RPL26L1: variants seen among roughly 807,000 people sequenced by gnomAD.
RPL26L1 encodes the protein ribosomal protein L26 like 1.
Under a neutral mutation model 15.2 loss-of-function variants are expected in RPL26L1, and 8 were observed. The observed-to-expected ratio is 0.53, with a 90% CI of 0.31 to 0.95. RPL26L1 has a LOEUF of 0.95. RPL26L1 is among the 40% of genes least tolerant of loss of function. The pLI is 0.05. For synonymous variants in RPL26L1, 51 were observed against 65.9 expected (o/e 0.77, Z 1.09); for missense variants, 146 against 190.9 (o/e 0.76, Z 1.39).
rs1428516199 is a variant in RPL26L1, at chr5:172,959,930, C to T, written c.57C>T (p.Phe19=). ...GCAGTAAAAACCGCAAACGTCACTT[C>T]AATGCCCCCTCACACGTGCGCAGGA... ...SDRSKNRKRH[F]NAPSHVRRKI... Residue 19 remains phenylalanine (F), a synonymous_variant, in exon 2 of 4, where the codon TTC becomes TTT. Transcript: ENST00000265100. 1 of 1,614,228 alleles carries T rather than the reference C, an allele frequency of 6.2e-7. No homozygotes were observed. Among genetic ancestry groups the T allele is most frequent in the East Asian group, 2.2e-5 (1 of 44,880 alleles).
At chr5:172,963,642 C>G (rs1755335221) in intron 2 of RPL26L1, among the ~76,000 whole-genome samples, 1 of 152,310 alleles carries the variant, frequency 6.6e-6, no homozygotes, top group South Asian at 2.1e-4. Flanking sequence ...GAAGCCTTCC[C>G]AGATCCTTTA....
rs1581616172 is a variant in RPL26L1 at position 172,969,592 on chromosome 5, T to G, written c.*51T>G. The G allele has an allele frequency of 6.4e-7, 1 of 1,558,852 alleles. No individual in the cohort carries two copies. Among genetic ancestry groups the G allele is most frequent in the Non-Finnish European group, 8.7e-7 (1 of 1,147,508 alleles). Reference sequence around the variant, plus strand: ...TTAACCGGAGATTTTGAGGCTAGGGTGTGTTTCTTTCGAACTTTTCGGAAT... The same window carrying G: ...TTAACCGGAGATTTTGAGGCTAGGGGGTGTTTCTTTCGAACTTTTCGGAAT... On this transcript the variant is annotated 3_prime_UTR_variant, in exon 4 of 4. Transcript: ENST00000265100.
chr5:172,959,322 G>A, upstream of RPL26L1: 1 of 995,162 alleles, frequency 1.0e-6, no homozygotes, highest in Non-Finnish European at 1.2e-6. Context: ...CCAGGAATGA[G>A]GCACTGAGAT....
intron 2 of RPL26L1, among the ~76,000 whole-genome samples, chr5:172,962,688 C>T (rs1581607421): frequency 1.3e-5 from 2 of 151,458 alleles, no homozygotes; most frequent in Non-Finnish European, 1.5e-5. Flanking sequence ...TGGTGGTGGG[C>T]GCCTGTAGTC....
upstream of RPL26L1, among the ~76,000 whole-genome samples, chr5:172,956,562 A>G (rs1581599695): frequency 6.6e-6 from 1 of 152,346 alleles, no homozygotes; most frequent in East Asian, 1.9e-4. Flanking sequence ...AAGAGCCATT[A>G]TTATCCATCT....
At position 172,964,283 on chromosome 5, in the gene RPL26L1, T is replaced by C. The variant is rs1410202275; in HGVS notation, c.169-4176T>C. On this transcript the variant is annotated intron_variant, in intron 2 of 3. Transcript: ENST00000265100. ...AGCCACAGTGTCTGGCCTGTTGCCT[T>C]TTTTTTTTTTTTTTTTTTTGAGACA... Among the ~76,000 whole-genome samples, 541 of 129,388 alleles carry C rather than the reference T, an allele frequency of 4.2e-3. 32 individuals are homozygous for C. Among genetic ancestry groups the C allele is most frequent in the African/African-American group, 0.015 (521 of 35,120 alleles). 84.9% of individuals were successfully genotyped at this position (129,388 alleles called of 152,430 possible).
intron 2 of RPL26L1, 43 bp downstream of exon 2, chr5:172,960,084 C>T: frequency 1.2e-6 from 2 of 1,610,050 alleles, no homozygotes; most frequent in South Asian, 1.1e-5. Flanking sequence ...ACACCGTTGC[C>T]TAAGAACGTC....
upstream of RPL26L1, among the ~76,000 whole-genome samples, chr5:172,954,274 TA>T (rs900287283): frequency 3.0e-4 from 45 of 152,140 alleles, no homozygotes; most frequent in African/African-American, 1.1e-3. Flanking sequence ...AAGACAACTG[TA>T]AAAGATTTGG....
intron 2 of RPL26L1, among the ~76,000 whole-genome samples, chr5:172,967,885 T>C (rs1217701559): frequency 6.6e-6 from 1 of 151,596 alleles, no homozygotes; most frequent in Non-Finnish European, 1.5e-5. Flanking sequence ...ATGATACGTG[T>C]ATGTATATAT....
At chr5:172,967,802 A>G (rs1424260804) in intron 2 of RPL26L1, among the ~76,000 whole-genome samples, 8 of 151,492 alleles carry the variant, frequency 5.3e-5, no homozygotes, top group Non-Finnish European at 8.8e-5. Context: ...ATATATGTAT[A>G]TATGACATAT....
intron 2 of RPL26L1, among the ~76,000 whole-genome samples, chr5:172,966,313 ATTTTTTTTTTTTTT>A (rs386405707): frequency 0.029 from 1,833 of 63,722 alleles, 53 homozygotes; most frequent in South Asian, 0.094. Flanking sequence ...CTGGCTAACT[ATTTTTTTTTTTTTT>A]TTTTTTTTTT....
upstream of RPL26L1, chr5:172,957,086 G>A (rs982066126): frequency 4.7e-6 from 2 of 428,496 alleles, no homozygotes; most frequent in Admixed American, 2.6e-5. Flanking sequence ...CCAAACCCAA[G>A]CGATTTGGGT....
intron 2 of RPL26L1, among the ~76,000 whole-genome samples, chr5:172,966,436 A>G (rs1275249170): frequency 7.1e-6 from 1 of 141,578 alleles, no homozygotes; most frequent in African/African-American, 2.6e-5. Flanking sequence ...TACCAGGATT[A>G]CAGCTGTGAG....
At chr5:172,958,310 T>G, upstream of RPL26L1, 1 of 443,634 alleles carries the variant, frequency 2.3e-6, no homozygotes, top group East Asian at 7.0e-5. Flanking sequence ...CGCAGGTGTT[T>G]AACAATGTCA....
At chr5:172,959,771 C>T (rs867302488) in intron 1 of RPL26L1, 94 bp from the exon 2 acceptor site, 1 of 1,392,682 alleles carries the variant, frequency 7.2e-7, no homozygotes, top group Middle Eastern at 1.9e-4. Flanking sequence ...CCCTGTAGAG[C>T]CTTTGTTGGG....
At chr5:172,958,555 A>G, upstream of RPL26L1, 1 of 380,258 alleles carries the variant, frequency 2.6e-6, no homozygotes, top group African/African-American at 2.1e-5. Flanking sequence ...CGAGACCCAG[A>G]GCCCTTTTCC....
At position 172,959,972 on chromosome 5, in the gene RPL26L1, G is replaced by C. The variant is rs904686209; in HGVS notation, c.99G>C (p.Pro33=). The change falls in exon 2 of 4, where the codon CCG becomes CCC. Residue 33 remains proline (P), a synonymous_variant. Coordinates refer to ENST00000265100, the MANE Select transcript of RPL26L1 (RefSeq NM_016093.4). Reference sequence around the variant, plus strand: ...TGCGCAGGAAGATCATGTCATCCCCGCTCTCCAAGGAGCTGCGGCAGAAGT... The same window carrying C: ...TGCGCAGGAAGATCATGTCATCCCCCCTCTCCAAGGAGCTGCGGCAGAAGT... ...SHVRRKIMSS[P]LSKELRQKYN... is the part of the protein sequence containing the mutation. 1.2e-6 allele frequency: 2 copies of C among 1,614,154 alleles called. No homozygotes were observed. The highest frequency in any genetic ancestry group is 1.7e-6 in the Non-Finnish European group (2 of 1,180,044).
chr5:172,967,562 CTG>C (rs1384737293), intron 2 of RPL26L1, among the ~76,000 whole-genome samples: 2 of 152,112 alleles, frequency 1.3e-5, no homozygotes, highest in African/African-American at 2.4e-5. Context: ...GTAAAACAGT[CTG>C]TGAGATTTAA....
chr5:172,965,683 C>T (rs1755424817), intron 2 of RPL26L1, among the ~76,000 whole-genome samples: 1 of 152,222 alleles, frequency 6.6e-6, no homozygotes, highest in African/African-American at 2.4e-5. Context: ...TTCCCATTCG[C>T]TCTGGCCACA....
Sources: allele counts gnomAD v4.1 joint callset (sites outside exome capture counted in the v4.1 genomes callset), GRCh38; gene constraint gnomAD v4.1.1; transcripts MANE v1.5; gene names NCBI Gene and HGNC (gene_info 2026-07-23, HGNC 2026-07-21).